GXYLT2: variants seen among roughly 807,000 people sequenced by gnomAD.
GXYLT2 encodes the protein glucoside xylosyltransferase 2.
GXYLT2 carries 53 observed loss-of-function variants against 45.8 expected under a neutral mutation model. That is an observed-to-expected ratio of 1.16 (90% CI 0.93 to 1.46). The LOEUF (loss-of-function observed/expected upper bound fraction) is 1.46. Ranked by LOEUF, GXYLT2 falls within the 40% of genes most tolerant of loss-of-function variation. GXYLT2 has a pLI of 0.00. For synonymous variants in GXYLT2, 219 were observed against 214.2 expected (o/e 1.02, Z -0.19); for missense variants, 551 against 544.4 (o/e 1.01, Z -0.12).
At chr3:72,889,321 T>G (rs528517439) in intron 1 of GXYLT2, among the ~76,000 whole-genome samples, 5 of 152,254 alleles carry the variant, frequency 3.3e-5, no homozygotes, top group African/African-American at 7.2e-5. Context: ...CTGTTTCATC[T>G]GCCCTTTCAA....
chr3:72,919,524 G>T lies in GXYLT2; in HGVS notation c.469-2680G>T, dbSNP rs553088262. Among the ~76,000 whole-genome samples the T allele has an allele frequency of 4.6e-5, 7 of 152,252 alleles. No individual in the cohort carries two copies. The South Asian group carries it at 6.2e-4, about 13-fold the overall frequency. On this transcript the variant is annotated intron_variant, in intron 2 of 6. Transcript: ENST00000389617. ...AATCCCAACACTTTGGGAGGCCAAG[G>T]CATGTAGATCACCTGAGGTCGGGAG...
At position 72,888,211 on chromosome 3, in the gene GXYLT2, C is replaced by A; in HGVS notation, c.-23C>A. On this transcript the variant is annotated 5_prime_UTR_variant, in exon 1 of 7. Transcript: ENST00000389617. ...CAGAGGGGCCGAGCCGCCTGGGGGC[C>A]GCCGCCGCCGCCGCGCCGCACCATG... is the stretch of plus-strand genomic sequence containing the variant. The A allele has an allele frequency of 1.0e-6, 1 of 971,348 alleles. No homozygotes were observed. Among genetic ancestry groups the A allele is most frequent in the Non-Finnish European group, 1.2e-6 (1 of 818,908 alleles). 60.2% of individuals were successfully genotyped at this position (971,348 alleles called of 1,614,324 possible).
rs1709845651 is a variant in GXYLT2, at chr3:72,922,275, A to C, written c.540A>C (p.Gly180=). 8.7e-6 allele frequency: 14 copies of C among 1,613,884 alleles called. No homozygotes were observed. The highest frequency in any genetic ancestry group is 1.2e-5 in the Non-Finnish European group (14 of 1,179,808). Residue 180 remains glycine (G), a synonymous_variant, in exon 3 of 7, where the codon GGA becomes GGC. Transcript: ENST00000389617. The part of the protein sequence containing the change: ...HRIYPITFSV[G]NPQEWKKLFK... ...TCTACCCCATCACATTTTCTGTTGG[A>C]AACCCTCAGGAGTGGAAGAAATTGT...
chr3:72,921,670 C>T (rs1464136577), intron 2 of GXYLT2, among the ~76,000 whole-genome samples: 2 of 152,080 alleles, frequency 1.3e-5, no homozygotes, highest in Non-Finnish European at 2.9e-5. Context: ...CTGAAGAGAT[C>T]CACCCACTTC....
intron 6 of GXYLT2, among the ~76,000 whole-genome samples, chr3:72,971,489 G>A (rs1710984776): frequency 6.6e-6 from 1 of 152,144 alleles, no homozygotes; most frequent in Non-Finnish European, 1.5e-5. Context: ...CCGCTTTCTG[G>A]TGATTTGCCA....
At chr3:72,956,107 G>A (rs1279491455) in intron 4 of GXYLT2, among the ~76,000 whole-genome samples, 1 of 152,058 alleles carries the variant, frequency 6.6e-6, no homozygotes, top group Admixed American at 6.6e-5. Context: ...AAGAATTAAT[G>A]GGGCATGGTG....
intron 2 of GXYLT2, among the ~76,000 whole-genome samples, chr3:72,912,423 A>G (rs201400755): frequency 6.6e-6 from 1 of 152,154 alleles, no homozygotes; most frequent in East Asian, 1.9e-4. Context: ...TACTGGGATT[A>G]TAGGCACATG....
chr3:72,952,757 C>T (rs532702188), intron 3 of GXYLT2, among the ~76,000 whole-genome samples: 2 of 152,102 alleles, frequency 1.3e-5, no homozygotes, highest in African/African-American at 4.8e-5. Flanking sequence ...CTTATAAGGG[C>T]ACTGATCCCA....
intron 1 of GXYLT2, among the ~76,000 whole-genome samples, chr3:72,905,680 C>T (rs1164852854): frequency 6.6e-6 from 1 of 152,156 alleles, no homozygotes; most frequent in African/African-American, 2.4e-5. Flanking sequence ...GTACATCCAT[C>T]TTCACCTGTG....
intron 2 of GXYLT2, among the ~76,000 whole-genome samples, chr3:72,912,570 G>A (rs1709653608): frequency 6.6e-6 from 1 of 152,152 alleles, no homozygotes; most frequent in South Asian, 2.1e-4. Flanking sequence ...ATATATGTAT[G>A]TATGAAATAC....
At chr3:72,936,533 G>A (rs1710183058) in intron 3 of GXYLT2, among the ~76,000 whole-genome samples, 1 of 151,656 alleles carries the variant, frequency 6.6e-6, no homozygotes, top group African/African-American at 2.4e-5. Flanking sequence ...CCAGCTACTC[G>A]GGAGGCTGAG....
At chr3:72,893,684 TC>T (rs1709226653) in intron 1 of GXYLT2, among the ~76,000 whole-genome samples, 2 of 152,318 alleles carry the variant, frequency 1.3e-5, no homozygotes, top group South Asian at 4.1e-4. Flanking sequence ...CCAGCCGTGT[TC>T]CAAGATTTAC....
At chr3:72,917,986 A>G (rs1709770041) in intron 2 of GXYLT2, among the ~76,000 whole-genome samples, 21 of 152,104 alleles carry the variant, frequency 1.4e-4, no homozygotes, top group Admixed American at 1.4e-3. Flanking sequence ...AGTTTCCTCT[A>G]AAGTGAGTTG....
intron 3 of GXYLT2, among the ~76,000 whole-genome samples, chr3:72,942,286 G>GAATA (rs1030553613): frequency 1.3e-5 from 2 of 151,268 alleles, no homozygotes; most frequent in Admixed American, 1.3e-4. Context: ...ATACATAACT[G>GAATA]AATAAATAAA....
chr3:72,949,824 T>C (rs2107135302), intron 3 of GXYLT2, among the ~76,000 whole-genome samples: 1 of 152,138 alleles, frequency 6.6e-6, no homozygotes. Context: ...CATTCTTTCA[T>C]TACTACTACT....
At chr3:72,963,140 C>T (rs975675080) in intron 5 of GXYLT2, among the ~76,000 whole-genome samples, 1 of 150,542 alleles carries the variant, frequency 6.6e-6, no homozygotes, top group African/African-American at 2.4e-5. Context: ...GGCAAGACCC[C>T]ATCTCTACTA....
intron 3 of GXYLT2, among the ~76,000 whole-genome samples, chr3:72,946,276 G>GAAAAAA (rs57450041): frequency 1.7e-5 from 1 of 59,446 alleles, no homozygotes; most frequent in East Asian, 3.7e-4. Context: ...GACCCTGTCT[G>GAAAAAA]AAAAAAAAAA....
chr3:72,963,497 G>A (rs1280259910), intron 5 of GXYLT2, among the ~76,000 whole-genome samples: 2 of 128,566 alleles, frequency 1.6e-5, no homozygotes, highest in African/African-American at 2.9e-5. Flanking sequence ...CCTGAGGTCC[G>A]GAGTTTTTTG....
intron 2 of GXYLT2, among the ~76,000 whole-genome samples, chr3:72,921,001 A>G (rs1043223716): frequency 3.3e-5 from 5 of 151,392 alleles, no homozygotes; most frequent in African/African-American, 7.3e-5. Flanking sequence ...TTGTATTTTT[A>G]GTAGAGACGG....
Sources: allele counts gnomAD v4.1 joint callset (sites outside exome capture counted in the v4.1 genomes callset), GRCh38; gene constraint gnomAD v4.1.1; transcripts MANE v1.5; gene names NCBI Gene and HGNC (gene_info 2026-07-23, HGNC 2026-07-21).